GPC6: variants seen among roughly 807,000 people sequenced by gnomAD.
GPC6 encodes glypican 6.
In GPC6, 14 loss-of-function variants were observed where a neutral mutation model predicts 55.2. The observed-to-expected ratio is 0.25, with a 90% CI of 0.17 to 0.40. The LOEUF (loss-of-function observed/expected upper bound fraction) is 0.40. Ranked by LOEUF, GPC6 falls within the 10% of genes least tolerant of loss-of-function variation. The pLI is 1.00. For synonymous variants in GPC6, 278 were observed against 259.6 expected (o/e 1.07, Z -0.68); for missense variants, 641 against 708.5 (o/e 0.90, Z 1.08).
At chr13:93,514,486 G>T (rs1430402037) in intron 1 of GPC6, among the ~76,000 whole-genome samples, 1 of 152,156 alleles carries the variant, frequency 6.6e-6, no homozygotes, top group Non-Finnish European at 1.5e-5. Context: ...CCTTGGAACA[G>T]ATAACTTTGA....
At chr13:93,687,577 C>T (rs1291660463) in intron 2 of GPC6, among the ~76,000 whole-genome samples, 2 of 151,930 alleles carry the variant, frequency 1.3e-5, no homozygotes, top group Non-Finnish European at 2.9e-5. Context: ...TTCTTATTGG[C>T]CTTGACTTAT....
chr13:93,730,166 C>T (rs569679595), intron 2 of GPC6, among the ~76,000 whole-genome samples: 1 of 152,254 alleles, frequency 6.6e-6, no homozygotes, highest in African/African-American at 2.4e-5. Flanking sequence ...TGGCTTCCCT[C>T]ACCATCTAGA....
intron 4 of GPC6, among the ~76,000 whole-genome samples, chr13:94,078,546 A>C (rs1884996945): frequency 6.6e-6 from 1 of 151,964 alleles, no homozygotes; most frequent in South Asian, 2.1e-4. Context: ...ATAAAATTAA[A>C]AATGAAAGAA....
intron 2 of GPC6, among the ~76,000 whole-genome samples, chr13:93,803,015 G>T (rs1329180742): frequency 3.3e-5 from 5 of 152,104 alleles, no homozygotes; most frequent in Admixed American, 6.5e-5. Context: ...CTTGACTATT[G>T]TGTGAGGGAA....
At chr13:93,314,980 A>G (rs939000880) in intron 1 of GPC6, among the ~76,000 whole-genome samples, 3 of 152,118 alleles carry the variant, frequency 2.0e-5, no homozygotes, top group African/African-American at 7.2e-5. Flanking sequence ...GTAGAAACAG[A>G]GAGGGAACAG....
At chr13:93,927,978 A>AT (rs1197001104) in intron 3 of GPC6, among the ~76,000 whole-genome samples, 2 of 151,550 alleles carry the variant, frequency 1.3e-5, no homozygotes, top group East Asian at 3.8e-4. Context: ...GTATTTTCAG[A>AT]TGATCCAGGT....
intron 4 of GPC6, among the ~76,000 whole-genome samples, chr13:94,268,523 A>G (rs889853097): frequency 5.3e-5 from 8 of 152,222 alleles, no homozygotes; most frequent in African/African-American, 1.9e-4. Flanking sequence ...CAAGAGTATT[A>G]GCAAAAATAA....
chr13:93,583,779 G>A (rs1418304449), intron 2 of GPC6, among the ~76,000 whole-genome samples: 1 of 152,030 alleles, frequency 6.6e-6, no homozygotes, highest in African/African-American at 2.4e-5. Flanking sequence ...TATTATATAC[G>A]GACTAATAGA....
At chr13:94,252,512 T>A (rs187465624) in intron 4 of GPC6, among the ~76,000 whole-genome samples, 15 of 152,172 alleles carry the variant, frequency 9.9e-5, no homozygotes, top group Admixed American at 2.0e-4. Context: ...GGAAGCTGTG[T>A]ATGTCGGATA....
intron 2 of GPC6, among the ~76,000 whole-genome samples, chr13:93,816,736 A>C (rs1886865291): frequency 6.6e-6 from 1 of 152,060 alleles, no homozygotes; most frequent in South Asian, 2.1e-4. Flanking sequence ...GGAAAAAAAA[A>C]CACAAACTAT....
intron 6 of GPC6, among the ~76,000 whole-genome samples, chr13:94,348,045 T>C (rs776407551): frequency 9.2e-5 from 14 of 152,252 alleles, no homozygotes; most frequent in Non-Finnish European, 1.8e-4. Flanking sequence ...TGAAGGACAT[T>C]ACTGCATCAT....
intron 1 of GPC6, among the ~76,000 whole-genome samples, chr13:93,383,590 T>G (rs1875275325): frequency 6.6e-6 from 1 of 152,200 alleles, no homozygotes; most frequent in Non-Finnish European, 1.5e-5. Context: ...ATTACTTATG[T>G]GTAGTTTAAT....
intron 3 of GPC6, among the ~76,000 whole-genome samples, chr13:93,878,411 C>T (rs1240655723): frequency 6.6e-6 from 1 of 152,104 alleles, no homozygotes; most frequent in African/African-American, 2.4e-5. Flanking sequence ...GAGTCTCGCA[C>T]TGTCATCCAG....
At chr13:93,342,723 G>T (rs927019263) in intron 1 of GPC6, among the ~76,000 whole-genome samples, 4 of 152,176 alleles carry the variant, frequency 2.6e-5, no homozygotes, top group Admixed American at 1.3e-4. Context: ...GTTGGCATTA[G>T]CATTGGCAGG....
chr13:93,713,472 C>T (rs1883143347), intron 2 of GPC6, among the ~76,000 whole-genome samples: 1 of 151,532 alleles, frequency 6.6e-6, no homozygotes, highest in Non-Finnish European at 1.5e-5. Flanking sequence ...GAGAGAATAA[C>T]ACGTACAAAT....
chr13:93,337,840 G>T (rs1232206222), intron 1 of GPC6, among the ~76,000 whole-genome samples: 1 of 152,128 alleles, frequency 6.6e-6, no homozygotes, highest in Non-Finnish European at 1.5e-5. Flanking sequence ...AGAACAGTTT[G>T]GAGCAGGAAG....
chr13:94,127,783 G>C (rs573919988), intron 4 of GPC6, among the ~76,000 whole-genome samples: 1 of 152,228 alleles, frequency 6.6e-6, no homozygotes, highest in East Asian at 1.9e-4. Flanking sequence ...ACAGGTGACT[G>C]GTTTAGTGTT....
chr13:93,684,407 C>G (rs192547050), intron 2 of GPC6, among the ~76,000 whole-genome samples: 2 of 152,054 alleles, frequency 1.3e-5, no homozygotes, highest in Non-Finnish European at 2.9e-5. Flanking sequence ...AGGCTGGCCT[C>G]GAACTCCTGG....
intron 4 of GPC6, among the ~76,000 whole-genome samples, chr13:94,093,292 A>G (rs1025365605): frequency 5.3e-5 from 8 of 151,926 alleles, no homozygotes; most frequent in African/African-American, 1.9e-4. Context: ...AATTTTTTAT[A>G]TTGTGTGAGA....
Sources: allele counts gnomAD v4.1 joint callset (sites outside exome capture counted in the v4.1 genomes callset), GRCh38; gene constraint gnomAD v4.1.1; transcripts MANE v1.5; gene names NCBI Gene and HGNC (gene_info 2026-07-23, HGNC 2026-07-21).